BICRA: variants seen among roughly 807,000 people sequenced by gnomAD.
BICRA encodes BRD4 interacting chromatin remodeling complex associated protein, also known as BRD4-interacting chromatin-remodeling complex-associated protein.
In BICRA, 31 loss-of-function variants were observed where a neutral mutation model predicts 96.9. That is an observed-to-expected ratio of 0.32 (90% confidence interval 0.24 to 0.43). BICRA has a LOEUF of 0.43. BICRA is among the 20% of genes least tolerant of loss of function. BICRA has a pLI of 1.00. For missense variants in BICRA, 2,283 were observed against 2,190.3 expected (o/e 1.04, Z -0.84); for synonymous variants, 1,350 against 1,071.8 (o/e 1.26, Z -5.07).
intron 1 of BICRA, among the ~76,000 whole-genome samples, chr19:47,613,189 G>A (rs1015389598): frequency 2.6e-5 from 4 of 152,024 alleles, no homozygotes; most frequent in African/African-American, 9.7e-5. Flanking sequence ...GCACCCAGAG[G>A]CCTATGAAGG....
At chr19:47,690,699 G>C (rs574307407) in intron 7 of BICRA, among the ~76,000 whole-genome samples, 1 of 151,912 alleles carries the variant, frequency 6.6e-6, no homozygotes, top group Admixed American at 6.6e-5. Context: ...GTGATTTCTA[G>C]AGTCTCTCTA....
At chr19:47,645,941 TAAA>T (rs1470224347) in intron 1 of BICRA, among the ~76,000 whole-genome samples, 1 of 151,782 alleles carries the variant, frequency 6.6e-6, no homozygotes. Context: ...TACAAAAAAT[TAAA>T]AAAGTTAGCC....
intron 9 of BICRA, 138 bp downstream of exon 9, chr19:47,695,218 G>T: frequency 2.6e-6 from 2 of 763,870 alleles, no homozygotes; most frequent in South Asian, 1.7e-5. Context: ...GACACAGGAA[G>T]GCCAGAGGTG....
chr19:47,638,996 C>T (rs1412128396), intron 1 of BICRA, among the ~76,000 whole-genome samples: 2 of 151,664 alleles, frequency 1.3e-5, no homozygotes, highest in Non-Finnish European at 2.9e-5. Context: ...TTTGTTTTTC[C>T]TTTTCAAAAA....
In BICRA at chr19:47,675,916, G is replaced by C. The variant is rs968362845; in HGVS notation, c.150G>C (p.Gly50=). The change falls in exon 5 of 15, where the codon GGG becomes GGC. Residue 50 remains glycine (G), a splice_region_variant and synonymous_variant. Transcript: ENST00000594866. The surrounding 1 kb of genome is among the most constrained non-coding windows in gnomAD (Gnocchi z 4.7). ...EAQSAFYEGP[G]LHVQEASGNH... is the part of the protein sequence containing the mutation. ...AAAGTGCCTTCTATGAAGGTCCTGG[G>C]GTAAGTGCCGTGGCTCCCGATCATT... is the stretch of plus-strand genomic sequence containing the variant. 1 of 1,601,698 alleles carries C rather than the reference G, an allele frequency of 6.2e-7. No individual in the cohort carries two copies. The highest frequency in any genetic ancestry group is 1.3e-5 in the African/African-American group (1 of 74,658).
At chr19:47,615,144 C>G (rs1041197186) in intron 1 of BICRA, among the ~76,000 whole-genome samples, 1 of 152,126 alleles carries the variant, frequency 6.6e-6, no homozygotes, top group African/African-American at 2.4e-5. Flanking sequence ...CCACCACGCC[C>G]AGGGAGTTTT....
chr19:47,673,798 G>C, intron 4 of BICRA, 36 bp downstream of exon 4: 2 of 1,568,464 alleles, frequency 1.3e-6, no homozygotes, highest in East Asian at 2.2e-5. Context: ...TTCCCTGAGT[G>C]GGGGGCTGTC....
Position 47,694,209 on chromosome 19 carries a change from C to T in BICRA, c.2378C>T (p.Ser793Phe). 2 of 925,400 alleles carry T rather than the reference C, an allele frequency of 2.2e-6. No individual in the cohort carries two copies. The highest frequency in any genetic ancestry group is 3.0e-6 in the Non-Finnish European group (2 of 673,434). The allele number at this position is 925,400 out of a possible 1,614,324, so 57.3% of individuals were successfully genotyped here. Residue 793 changes from serine (S) to phenylalanine (F), a missense_variant, in exon 8 of 15, where the codon TCC becomes TTC. Physicochemically the swap from Ser to Phe is radical, Grantham distance 155. Transcript: ENST00000594866. ...APLGDSPHLP[S>F]PHPTRPPSRP... Reference sequence around the variant, plus strand: ...CTGGGGGACAGCCCCCACCTGCCCTCCCCACACCCCACCCGGCCCCCTTCC... The same window carrying T: ...CTGGGGGACAGCCCCCACCTGCCCTTCCCACACCCCACCCGGCCCCCTTCC...
intron 1 of BICRA, chr19:47,616,129 T>C (rs981337791): frequency 1.3e-5 from 2 of 152,378 alleles, no homozygotes; most frequent in Non-Finnish European, 2.9e-5. Context: ...CGTGCCTCAG[T>C]TTCCCCAACT....
intron 1 of BICRA, among the ~76,000 whole-genome samples, chr19:47,615,229 G>A (rs905595665): frequency 3.3e-5 from 5 of 152,170 alleles, no homozygotes; most frequent in Non-Finnish European, 7.3e-5. Context: ...CACTCCTCCC[G>A]CCTTGGCCTC....
chr19:47,680,618 C>T lies in BICRA; in HGVS notation c.1448C>T (p.Pro483Leu), dbSNP rs1973029250. ...CCTGGCGCCCCGGCGGTCCAGCTCCCGCAGCAGCTCTCAGCCCTGCCGGCC... is the reference window on the plus strand; with the variant it reads ...CCTGGCGCCCCGGCGGTCCAGCTCCTGCAGCAGCTCTCAGCCCTGCCGGCC... ...LLPGAPAVQLPQQLSALPANV... is the reference protein window; with the variant it reads ...LLPGAPAVQLLQQLSALPANV... The change falls in exon 6 of 15, where the codon CCG (proline) becomes CTG (leucine). Residue 483 changes from proline to leucine, a missense_variant. Physicochemically the swap from Pro to Leu is moderately conservative, Grantham distance 98 (BLOSUM62 -3). Transcript: ENST00000594866. 1.9e-6 allele frequency: 3 copies of T among 1,610,414 alleles called. No homozygotes were observed. The highest frequency in any genetic ancestry group is 2.5e-6 in the Non-Finnish European group (3 of 1,178,848).
chr19:47,679,338 T>A lies in BICRA; in HGVS notation c.168T>A (p.Ala56=). 1 of 1,426,934 alleles carries A rather than the reference T, an allele frequency of 7.0e-7. No homozygotes were observed. Among genetic ancestry groups the A allele is most frequent in the South Asian group, 1.6e-5 (1 of 63,842 alleles). 88.4% of individuals were successfully genotyped at this position (1,426,934 alleles called of 1,614,324 possible). A position where few individuals can be genotyped will look rare whatever the true frequency, so the allele number is the denominator to read the frequency against. ...YEGPGLHVQE[A]SGNHLNPEPN... ...GCCTGCAGCTCCATGTGCAAGAAGCTTCCGGCAACCACCTGAACCCAGAGC... is the reference window on the plus strand; with the variant it reads ...GCCTGCAGCTCCATGTGCAAGAAGCATCCGGCAACCACCTGAACCCAGAGC... Residue 56 remains alanine, a synonymous_variant, in exon 6 of 15, where the codon GCT becomes GCA. Transcript: ENST00000594866.
intron 7 of BICRA, among the ~76,000 whole-genome samples, chr19:47,686,872 A>G (rs1245497373): frequency 2.0e-5 from 3 of 152,218 alleles, no homozygotes; most frequent in Non-Finnish European, 4.4e-5. Flanking sequence ...GACCTTCAGC[A>G]GGCTGCTTGC....
Position 47,682,796 on chromosome 19 carries a change from C to T in BICRA, c.2283+644C>T, listed in dbSNP as rs144762600. ...AAGTGATTCTCCTGCCTCCACCTCC[C>T]GCGTAGCTGGAGTTACAGGTGCCCG... On this transcript the variant is annotated intron_variant, in intron 7 of 14. Transcript: ENST00000594866. Among the ~76,000 whole-genome samples the T allele has an allele frequency of 5.3e-5, 8 of 152,122 alleles. No individual in the cohort carries two copies. In the East Asian group the frequency reaches 1.4e-3, roughly 26 times the overall value.
At position 47,696,471 on chromosome 19, in the gene BICRA, C is replaced by T; in HGVS notation, c.3207C>T (p.Gly1069=). The change falls in exon 11 of 15, where the codon GGC becomes GGT. Residue 1069 remains glycine (G), a synonymous_variant. Transcript: ENST00000594866. ...SGLQYESKLS[G]LKKPPTLQPS... is the part of the protein sequence containing the mutation. ...CCCAGTATGAGAGCAAACTGAGTGGCCTGAAGAAGCCCCCCACGCTTCAGC... is the reference window on the plus strand; with the variant it reads ...CCCAGTATGAGAGCAAACTGAGTGGTCTGAAGAAGCCCCCCACGCTTCAGC... The T allele has an allele frequency of 6.2e-7, 1 of 1,603,518 alleles. No individual in the cohort carries two copies. Among genetic ancestry groups the T allele is most frequent in the Non-Finnish European group, 8.5e-7 (1 of 1,175,194 alleles).
chr19:47,611,374 T>C (rs960765461), intron 1 of BICRA, among the ~76,000 whole-genome samples: 1 of 152,116 alleles, frequency 6.6e-6, no homozygotes, highest in African/African-American at 2.4e-5. Context: ...GAGAATTGTC[T>C]GCAGGAACTG....
chr19:47,684,268 C>A (rs928018553), intron 7 of BICRA, among the ~76,000 whole-genome samples: 1 of 152,108 alleles, frequency 6.6e-6, no homozygotes, highest in Non-Finnish European at 1.5e-5. Context: ...CTGCAATCTC[C>A]ACCTCCTGGG....
At chr19:47,685,776 TGTGTGTGTGTGC>T (rs1273315230) in intron 7 of BICRA, among the ~76,000 whole-genome samples, 21 of 133,186 alleles carry the variant, frequency 1.6e-4, no homozygotes, top group South Asian at 2.5e-4. Context: ...TGTGTGTGTG[TGTGTGTGTGTGC>T]GCGCGCGCGC....
intron 1 of BICRA, among the ~76,000 whole-genome samples, chr19:47,653,760 G>A (rs182284186): frequency 3.9e-5 from 6 of 152,250 alleles, no homozygotes; most frequent in African/African-American, 9.6e-5. Flanking sequence ...GTTCATCCAC[G>A]GACGGGCATT....
Sources: gnomAD v4.1 joint callset for allele counts (sites outside exome capture counted in the v4.1 genomes callset) on GRCh38, gnomAD v4.1.1 for gene constraint, Gnocchi (gnomAD v3.1) non-coding constraint, MANE v1.5 for transcripts, NCBI Gene and HGNC (gene_info 2026-07-23, HGNC 2026-07-21) for gene names.